CEP63: variants seen among roughly 807,000 people sequenced by gnomAD.
The protein encoded by CEP63 is centrosomal protein 63.
A neutral mutation model predicts 89.1 loss-of-function variants in CEP63; 84 were observed. The ratio of observed to expected loss-of-function variants is 0.94; its 90% CI spans 0.79 to 1.13. The LOEUF is 1.13. Among genes scored for constraint, CEP63 ranks in the 50% most tolerant of loss-of-function variants. The pLI is 0.00. For synonymous variants in CEP63, 267 were observed against 272.5 expected (o/e 0.98, Z 0.20); for missense variants, 838 against 813.3 (o/e 1.03, Z -0.37).
At chr3:134,493,631 CTATTT>C (rs2107982899) in intron 1 of CEP63, among the ~76,000 whole-genome samples, 1 of 152,224 alleles carries the variant, frequency 6.6e-6, no homozygotes, top group East Asian at 1.9e-4. Context: ...TGCAGTGGTT[CTATTT>C]TCCAGTCTTC....
the CEP63 span, among the ~76,000 whole-genome samples, chr3:134,664,704 A>T: frequency 6.6e-6 from 1 of 151,952 alleles, no homozygotes; most frequent in Non-Finnish European, 1.5e-5. Flanking sequence ...GTGTGTGTAA[A>T]CAAGCCATTC....
At chr3:134,665,702 C>CAGAGAGAG in the CEP63 span, among the ~76,000 whole-genome samples, 76 of 102,366 alleles carry the variant, frequency 7.4e-4, 1 homozygote, top group African/African-American at 2.8e-3. Context: ...CACACACACA[C>CAGAGAGAG]AGAGAGAGAG....
chr3:134,500,210 T>C (rs1174872969), intron 2 of CEP63, among the ~76,000 whole-genome samples: 1 of 152,234 alleles, frequency 6.6e-6, no homozygotes, highest in Non-Finnish European at 1.5e-5. Context: ...GTTCTCTGCT[T>C]CTGTGTTAAT....
At chr3:134,721,884 G>T in the CEP63 span, among the ~76,000 whole-genome samples, 1 of 152,004 alleles carries the variant, frequency 6.6e-6, no homozygotes, top group Non-Finnish European at 1.5e-5. Context: ...GTATTTTGTT[G>T]AGGGTTTTGC....
rs551885121 is a variant in CEP63 at position 134,495,090 on chromosome 3, T to A, written c.-25-206T>A. On this transcript the variant is annotated intron_variant, in intron 1 of 14. Coordinates refer to ENST00000675561, the MANE Select transcript of CEP63 (RefSeq NM_001353108.3). ...GAGAGTGTCAACCGCAATTCAGATA[T>A]TTTTAAGTTATTCTGTTTTAGTCCG... Among the ~76,000 whole-genome samples, 5 of 152,346 alleles carry A rather than the reference T, an allele frequency of 3.3e-5. No homozygotes were observed. The East Asian group carries it at 9.6e-4, about 29-fold the overall frequency.
At chr3:134,555,624 G>C (rs1222801378) in intron 12 of CEP63, among the ~76,000 whole-genome samples, 1 of 152,054 alleles carries the variant, frequency 6.6e-6, no homozygotes, top group African/African-American at 2.4e-5. Context: ...AAATAAAACA[G>C]GATACAAACA....
chr3:134,607,569 G>T, the CEP63 span: 63 of 985,588 alleles, frequency 6.4e-5, no homozygotes, highest in African/African-American at 1.0e-3. Flanking sequence ...GCTGTGCAGC[G>T]TGCCCAGGCT....
chr3:134,707,382 A>C, the CEP63 span, among the ~76,000 whole-genome samples: 2 of 152,264 alleles, frequency 1.3e-5, no homozygotes, highest in Non-Finnish European at 2.9e-5. Flanking sequence ...TTAGGCTACC[A>C]GGAGTACAAG....
At chr3:134,712,472 A>G in the CEP63 span, among the ~76,000 whole-genome samples, 4 of 152,230 alleles carry the variant, frequency 2.6e-5, no homozygotes, top group East Asian at 7.7e-4. Context: ...AATTTCAATT[A>G]TTTTAACAAA....
At chr3:134,780,219 G>A in the CEP63 span, among the ~76,000 whole-genome samples, 1 of 152,064 alleles carries the variant, frequency 6.6e-6, no homozygotes, top group Admixed American at 6.5e-5. Flanking sequence ...TGAAATGTCT[G>A]TTTGAATCTT....
chr3:134,564,446 C>T lies in CEP63; in HGVS notation c.*2911C>T. 3.0e-6 allele frequency: 3 copies of T among 985,456 alleles called. No individual in the cohort carries two copies. Among genetic ancestry groups the T allele is most frequent in the South Asian group, 9.4e-5 (2 of 21,292 alleles). 61.0% of individuals were successfully genotyped at this position (985,456 alleles called of 1,614,324 possible). A position where few individuals can be genotyped will look rare whatever the true frequency, so the allele number is the denominator to read the frequency against. On this transcript the variant is annotated 3_prime_UTR_variant, in exon 15 of 15. Transcript: ENST00000675561. ...ACGTTTCTCCTCATTGCTGTCATGGCACCCTGTGTGTGGCTCTGACCAGAC... is the reference window on the plus strand; with the variant it reads ...ACGTTTCTCCTCATTGCTGTCATGGTACCCTGTGTGTGGCTCTGACCAGAC...
the CEP63 span, among the ~76,000 whole-genome samples, chr3:134,678,623 C>T: frequency 6.6e-6 from 1 of 152,204 alleles, no homozygotes; most frequent in Non-Finnish European, 1.5e-5. Context: ...ATTTAAATCC[C>T]TCAACACTTA....
At chr3:134,528,170 C>T (rs976605487) in intron 3 of CEP63, among the ~76,000 whole-genome samples, 9 of 152,108 alleles carry the variant, frequency 5.9e-5, no homozygotes, top group Admixed American at 3.9e-4. Flanking sequence ...GGTGCGTAGT[C>T]GCCTCATGTA....
At chr3:134,592,411 G>A (rs1958614832), downstream of CEP63, among the ~76,000 whole-genome samples, 1 of 151,690 alleles carries the variant, frequency 6.6e-6, no homozygotes. Flanking sequence ...TTGAATGTAG[G>A]AGCACCAAAG....
chr3:134,486,329 T>A, intron 1 of CEP63, 127 bp downstream of exon 1: 5 of 985,584 alleles, frequency 5.1e-6, no homozygotes, highest in Non-Finnish European at 6.0e-6. Flanking sequence ...TGATTCTGGC[T>A]TCGCGGCCTC....
intron 3 of CEP63, among the ~76,000 whole-genome samples, chr3:134,521,167 A>T (rs1947359801): frequency 6.6e-6 from 1 of 152,164 alleles, no homozygotes; most frequent in African/African-American, 2.4e-5. Flanking sequence ...AGCATGTGAA[A>T]AGGTGCTTGG....
At chr3:134,611,394 G>C in the CEP63 span, among the ~76,000 whole-genome samples, 1 of 152,228 alleles carries the variant, frequency 6.6e-6, no homozygotes, top group South Asian at 2.1e-4. Flanking sequence ...TTCATGGCCA[G>C]CTGGTCTTGC....
At chr3:134,518,091 C>T (rs1456460784) in intron 3 of CEP63, among the ~76,000 whole-genome samples, 4 of 152,130 alleles carry the variant, frequency 2.6e-5, no homozygotes, top group Non-Finnish European at 5.9e-5. Context: ...ATGAATGGGT[C>T]AGTTAACCAG....
the CEP63 span, among the ~76,000 whole-genome samples, chr3:134,693,259 T>C: frequency 6.6e-6 from 1 of 152,198 alleles, no homozygotes; most frequent in Admixed American, 6.5e-5. Flanking sequence ...TTTTCGCTTT[T>C]ACACTGTCCT....
Sources: gnomAD v4.1 joint callset for allele counts (sites outside exome capture counted in the v4.1 genomes callset) on GRCh38, gnomAD v4.1.1 for gene constraint, MANE v1.5 for transcripts, NCBI Gene and HGNC (gene_info 2026-07-23, HGNC 2026-07-21) for gene names.